Variants in LIG1 observed in about 807,000 individuals in gnomAD.
LIG1 encodes the protein ligase I, DNA, ATP-dependent.
Under a neutral mutation model 115.7 loss-of-function variants are expected in LIG1, and 70 were observed. The observed-to-expected ratio is 0.60, with a 90% CI of 0.50 to 0.74. The LOEUF (loss-of-function observed/expected upper bound fraction) is 0.74. Ranked by LOEUF, LIG1 falls within the 30% of genes least tolerant of loss-of-function variation. The pLI, the probability that LIG1 is intolerant of heterozygous loss-of-function variation, is 0.00. For synonymous variants in LIG1, 487 were observed against 495.3 expected (o/e 0.98, Z 0.22); for missense variants, 1,115 against 1,225.6 (o/e 0.91, Z 1.35).
In LIG1 at chr19:48,125,203, T is replaced by A. The variant is rs2033583376; in HGVS notation, c.2005-1885A>T. ...TTTAAAGAAGGAATATTTGAAGGAA[T>A]GAGAAGAAATATTTGAAATGCTCAT... is the stretch of plus-strand genomic sequence containing the variant. On this transcript the variant is annotated intron_variant, in intron 21 of 27. Coordinates refer to ENST00000263274, the MANE Select transcript of LIG1 (RefSeq NM_000234.3). Among the ~76,000 whole-genome samples, 4 of 152,118 alleles carry A rather than the reference T, an allele frequency of 2.6e-5. No individual in the cohort carries two copies. In the South Asian group the frequency reaches 8.3e-4, roughly 31 times the overall value.
Position 48,123,011 on chromosome 19 carries a change from A to T in LIG1, c.2155T>A (p.Cys719Ser). Reference sequence around the variant, plus strand: ...AGGGTCTTCACCATCAGCCCCTCGCAGGAGTCTGAGGGAGACACAGAAGCG... The same window carrying T: ...AGGGTCTTCACCATCAGCCCCTCGCTGGAGTCTGAGGGAGACACAGAAGCG... ...EFLEQSVKDSCEGLMVKTLDV... is the reference protein window; with the variant it reads ...EFLEQSVKDSSEGLMVKTLDV... The change falls in exon 23 of 28, where the codon TGC becomes AGC. Residue 719 changes from cysteine to serine, a missense_variant. Coordinates refer to ENST00000263274, the MANE Select transcript of LIG1 (RefSeq NM_000234.3). The T allele has an allele frequency of 6.2e-7, 1 of 1,613,850 alleles. No individual in the cohort carries two copies. Among genetic ancestry groups the T allele is most frequent in the Non-Finnish European group, 8.5e-7 (1 of 1,179,912 alleles).
Position 48,133,370 on chromosome 19 carries a change from C to G in LIG1, c.1610-273G>C, listed in dbSNP as rs2034168381. The G allele has an allele frequency of 2.5e-5, 12 of 479,238 alleles. No individual in the cohort carries two copies. The South Asian group carries it at 2.6e-4, about 10-fold the overall frequency. 29.7% of individuals were successfully genotyped at this position (479,238 alleles called of 1,614,324 possible). A position where few individuals can be genotyped will look rare whatever the true frequency, so the allele number is the denominator to read the frequency against. On this transcript the variant is annotated intron_variant, in intron 17 of 27. Coordinates refer to ENST00000263274, the MANE Select transcript of LIG1 (RefSeq NM_000234.3). ...TGCAAGGAATCTGGTTGCCTCCCCT[C>G]CCTCCTCTGCGTCCCTCCTCCCACA...
In LIG1 at chr19:48,161,504, C is replaced by T. The variant is rs1208943488; in HGVS notation, c.111G>A (p.Ala37=). The change falls in exon 4 of 28, where the codon GCG becomes GCA. Residue 37 remains alanine (A), a synonymous_variant. Transcript: ENST00000263274. ...CCACTCCATTCCACTCCTTCAGTGC[C>T]GCCCTGGAAGGTGGGGAAATGGGGG... ...SSRETEPPPK[A]ALKEWNGVVS... 5.0e-6 allele frequency: 8 copies of T among 1,614,086 alleles called. No homozygotes were observed. Among genetic ancestry groups the T allele is most frequent in the Admixed American group, 3.3e-5 (2 of 60,026 alleles).
chr19:48,151,614 A>T (rs2035482557), intron 6 of LIG1, among the ~76,000 whole-genome samples: 1 of 152,036 alleles, frequency 6.6e-6, no homozygotes. Flanking sequence ...TATTTTTAGT[A>T]GAGATGGGAT....
intron 3 of LIG1, 60 bp from the exon 4 acceptor site, chr19:48,161,567 T>G (rs1232660783): frequency 1.1e-5 from 18 of 1,591,572 alleles, no homozygotes; most frequent in Non-Finnish European, 1.5e-5. Flanking sequence ...GTGGGGGCAC[T>G]GCCCGCAAAC....
At chr19:48,155,786 C>A (rs1027245077) in intron 5 of LIG1, among the ~76,000 whole-genome samples, 1 of 152,122 alleles carries the variant, frequency 6.6e-6, no homozygotes, top group Non-Finnish European at 1.5e-5. Flanking sequence ...AGATTTTCAT[C>A]GGCAACATGA....
At chr19:48,159,572 G>A (rs747081702) in intron 4 of LIG1, among the ~76,000 whole-genome samples, 13 of 152,174 alleles carry the variant, frequency 8.5e-5, no homozygotes, top group African/African-American at 1.4e-4. Flanking sequence ...TCCGATAGTG[G>A]GATTACCCTG....
intron 7 of LIG1, among the ~76,000 whole-genome samples, chr19:48,150,856 C>A (rs1037661825): frequency 6.6e-6 from 1 of 151,944 alleles, no homozygotes; most frequent in Admixed American, 6.6e-5. Flanking sequence ...TGCCACCACA[C>A]CCAGGTCATT....
At chr19:48,117,850 G>A (rs2032972925) in intron 25 of LIG1, 69 bp from the exon 26 acceptor site, 1 of 1,560,492 alleles carries the variant, frequency 6.4e-7, no homozygotes, top group African/African-American at 1.3e-5. Context: ...GTGTTGGAGG[G>A]CTGGGGAGAG....
intron 12 of LIG1, among the ~76,000 whole-genome samples, chr19:48,138,287 CTG>C (rs2034525562): frequency 6.6e-6 from 1 of 152,198 alleles, no homozygotes; most frequent in Non-Finnish European, 1.5e-5. Flanking sequence ...TCACCAGATA[CTG>C]TGTGTCACCT....
chr19:48,117,680 A>G lies in LIG1; in HGVS notation c.2541T>C (p.Ala847=). The G allele has an allele frequency of 1.2e-6, 2 of 1,612,664 alleles. No homozygotes were observed. The highest frequency in any genetic ancestry group is 2.2e-5 in the East Asian group (1 of 44,852). Reference sequence around the variant, plus strand: ...GGTAGATGGGAGAGAGGGAGAGGTCAGCGCACTTCACCTCCCACACAGCGC... The same window carrying G: ...GGTAGATGGGAGAGAGGGAGAGGTCGGCGCACTTCACCTCCCACACAGCGC... The part of the protein sequence containing the change: ...DPSAVWEVKC[A]DLSLSPIYPA... Residue 847 remains alanine, a synonymous_variant, in exon 26 of 28, where the codon GCT becomes GCC. Coordinates refer to ENST00000263274, the MANE Select transcript of LIG1 (RefSeq NM_000234.3).
At chr19:48,158,817 C>T (rs920835683) in intron 4 of LIG1, among the ~76,000 whole-genome samples, 4 of 152,198 alleles carry the variant, frequency 2.6e-5, no homozygotes, top group African/African-American at 9.6e-5. Context: ...TGCAGGCTCT[C>T]GGGGCACCTT....
At chr19:48,139,416 TCCAG>T (rs2034595183) in intron 12 of LIG1, among the ~76,000 whole-genome samples, 1 of 152,028 alleles carries the variant, frequency 6.6e-6, no homozygotes, top group Non-Finnish European at 1.5e-5. Context: ...ACAGCTGGGG[TCCAG>T]CTCCTCTTCC....
Position 48,143,240 on chromosome 19 carries a change from TG to T in LIG1, c.914+302del, listed in dbSNP as rs1188551610. Reference sequence around the variant, plus strand: ...TGAAGTCACTTTTGATGACTCAGGGTGGACTAGAAGTAATCACGGACTGTGT... The same window carrying T: ...TGAAGTCACTTTTGATGACTCAGGGTGACTAGAAGTAATCACGGACTGTGT... On this transcript the variant is annotated intron_variant, in intron 11 of 27. Coordinates refer to ENST00000263274, the MANE Select transcript of LIG1 (RefSeq NM_000234.3). Among the ~76,000 whole-genome samples the T allele has an allele frequency of 2.6e-5, 4 of 152,278 alleles. No homozygotes were observed. The East Asian group carries it at 7.7e-4, about 29-fold the overall frequency.
chr19:48,142,201 G>A (rs1033770740), intron 11 of LIG1, among the ~76,000 whole-genome samples: 1 of 152,038 alleles, frequency 6.6e-6, no homozygotes, highest in Non-Finnish European at 1.5e-5. Flanking sequence ...ACTTTGGGAG[G>A]CGGAGGTGGG....
intron 4 of LIG1, among the ~76,000 whole-genome samples, chr19:48,160,008 C>T (rs541932117): frequency 6.6e-6 from 1 of 152,300 alleles, no homozygotes; most frequent in South Asian, 2.1e-4. Flanking sequence ...TGAGCCACCA[C>T]ACCCAGCCAC....
intron 26 of LIG1, among the ~76,000 whole-genome samples, chr19:48,116,447 CAAAAAAA>C (rs57648628): frequency 2.0e-5 from 2 of 98,398 alleles, no homozygotes; most frequent in Admixed American, 2.4e-4. Context: ...GACTCCAACT[CAAAAAAA>C]AAAAAAAAAA....
In LIG1 at chr19:48,162,337, G is replaced by C. The variant is rs143853302; in HGVS notation, c.32C>G (p.Pro11Arg). ...CTTCTTTGCTTTACCCTCTTTCTTG[G>C]GGTGGAAAAATGACCTAGAGGAGCA... is the stretch of plus-strand genomic sequence containing the variant. MQRSIMSFFH[P>R]KKEGKAKKPE... Residue 11 changes from proline (P) to arginine (R), a missense_variant, in exon 3 of 28, where the codon CCC becomes CGC. Transcript: ENST00000263274. 8.7e-6 allele frequency: 14 copies of C among 1,613,714 alleles called. No individual in the cohort carries two copies. The African/African-American group carries it at 1.3e-4, about 15-fold the overall frequency.
At chr19:48,123,145 C>T (rs1314846841) in intron 22 of LIG1, 29 bp downstream of exon 22, 2 of 1,613,990 alleles carry the variant, frequency 1.2e-6, no homozygotes, top group East Asian at 2.2e-5. Context: ...AAGCTGCAGA[C>T]CTCAGGAGAG....
Sources: gnomAD v4.1 joint callset for allele counts (sites outside exome capture counted in the v4.1 genomes callset) on GRCh38, gnomAD v4.1.1 for gene constraint, MANE v1.5 for transcripts, NCBI Gene and HGNC (gene_info 2026-07-23, HGNC 2026-07-21) for gene names.